Variants in CTSO observed in about 807,000 individuals in gnomAD.
CTSO encodes the protein cathepsin O.
A neutral mutation model predicts 42.4 loss-of-function variants in CTSO; 40 were observed. That is an observed-to-expected ratio of 0.94 (90% confidence interval 0.73 to 1.23). The LOEUF (loss-of-function observed/expected upper bound fraction) is 1.23. Among genes scored for constraint, CTSO ranks in the 50% most tolerant of loss-of-function variants. The probability of loss-of-function intolerance (pLI) is 0.00; values close to 1 mark genes in which losing one functional copy is unlikely to be tolerated. For synonymous variants in CTSO, 156 were observed against 146.2 expected, an observed-to-expected ratio of 1.07 and a Z score of -0.48; for missense variants, 441 against 396.0, an observed-to-expected ratio of 1.11 and a Z score of -0.96.
intron 3 of CTSO, among the ~76,000 whole-genome samples, chr4:155,941,040 G>T (rs762274451): frequency 6.6e-6 from 1 of 152,104 alleles, no homozygotes; most frequent in Non-Finnish European, 1.5e-5. Flanking sequence ...ATGTCTAATT[G>T]ACATGTTATT....
chr4:155,949,427 T>C (rs1017609338), intron 1 of CTSO, among the ~76,000 whole-genome samples: 2 of 152,208 alleles, frequency 1.3e-5, no homozygotes, highest in Non-Finnish European at 2.9e-5. Flanking sequence ...TTTATCAATA[T>C]ACGCAATGAT....
At chr4:155,949,124 T>C (rs1743601915) in intron 1 of CTSO, among the ~76,000 whole-genome samples, 1 of 152,242 alleles carries the variant, frequency 6.6e-6, no homozygotes. Context: ...TGAATGCAAG[T>C]ATTCATTCTA....
chr4:155,946,513 C>T (rs1395431018), intron 1 of CTSO, among the ~76,000 whole-genome samples: 1 of 152,132 alleles, frequency 6.6e-6, no homozygotes, highest in African/African-American at 2.4e-5. Context: ...TTTGTTACCA[C>T]TTGATACACT....
chr4:155,939,479 C>A lies in CTSO; in HGVS notation c.444G>T (p.Lys148Asn). The A allele has an allele frequency of 6.2e-7, 1 of 1,614,168 alleles. No homozygotes were observed. The change falls in exon 4 of 8, where the codon AAG becomes AAT. Residue 148 changes from lysine to asparagine, a missense_variant. Transcript: ENST00000433477. ...CACTTAGGTCTTCCAGGGGCTTCCC[C>A]TTTATTGCATAAGCAGATTCCACTG... is the stretch of plus-strand genomic sequence containing the variant. Reference protein sequence around the residue: ...VGAVESAYAIKGKPLEDLSVQ... With the variant: ...VGAVESAYAINGKPLEDLSVQ...
rs1484017033 is a variant in CTSO at position 155,945,114 on chromosome 4, G to A, written c.136-1850C>T. On this transcript the variant is annotated intron_variant, in intron 1 of 7. Coordinates refer to ENST00000433477, the MANE Select transcript of CTSO (RefSeq NM_001334.3). ...TCTACTAAAAATACAAAAATTAGCCGGGCGTGGTGGTGGGCGCCTATAATC... is the reference window on the plus strand; with the variant it reads ...TCTACTAAAAATACAAAAATTAGCCAGGCGTGGTGGTGGGCGCCTATAATC... Among the ~76,000 whole-genome samples the A allele has an allele frequency of 4.0e-5, 6 of 151,888 alleles. No individual in the cohort carries two copies. The South Asian group carries it at 8.3e-4, about 21-fold the overall frequency.
chr4:155,953,713 C>G lies in CTSO; in HGVS notation c.135G>C (p.Arg45=), dbSNP rs1374218786. ...RSREREAAAF[R]ESLNRHRYLN... is the part of the protein sequence containing the mutation. ...TCCCGGGGAGGCGCGCGCTCGGTACCCGGAAGGCGGCGGCTTCACGCTCGC... is the reference window on the plus strand; with the variant it reads ...TCCCGGGGAGGCGCGCGCTCGGTACGCGGAAGGCGGCGGCTTCACGCTCGC... Residue 45 remains arginine (R), a splice_region_variant and synonymous_variant, in exon 1 of 8, where the codon CGG becomes CGC. Coordinates refer to ENST00000433477, the MANE Select transcript of CTSO (RefSeq NM_001334.3). 3.1e-6 allele frequency: 4 copies of G among 1,271,282 alleles called. No homozygotes were observed. Among genetic ancestry groups the G allele is most frequent in the Non-Finnish European group, 4.0e-6 (4 of 1,009,674 alleles). 78.8% of individuals were successfully genotyped at this position (1,271,282 alleles called of 1,614,324 possible).
chr4:155,931,448 T>C (rs1424003843), intron 5 of CTSO, among the ~76,000 whole-genome samples: 3 of 152,024 alleles, frequency 2.0e-5, no homozygotes, highest in Non-Finnish European at 4.4e-5. Flanking sequence ...TTAGTAATAA[T>C]CCCTGATTTG....
intron 4 of CTSO, among the ~76,000 whole-genome samples, chr4:155,937,873 C>T (rs962013999): frequency 6.6e-6 from 1 of 152,166 alleles, no homozygotes; most frequent in Non-Finnish European, 1.5e-5. Flanking sequence ...GCCTTGGCTT[C>T]CCAAAATACT....
chr4:155,953,528 C>A (rs991527291), intron 1 of CTSO, among the ~76,000 whole-genome samples, 185 bp downstream of exon 1: 2 of 152,156 alleles, frequency 1.3e-5, no homozygotes, highest in Admixed American at 6.5e-5. Context: ...GGAGTGACAC[C>A]ATGGCACAAG....
chr4:155,936,019 G>T (rs1009579846), intron 5 of CTSO, among the ~76,000 whole-genome samples: 64 of 151,348 alleles, frequency 4.2e-4, no homozygotes, highest in Admixed American at 4.2e-3. Flanking sequence ...CCATGATAAG[G>T]GATTCCCTTA....
At position 155,925,920 on chromosome 4, in the gene CTSO, G is replaced by T; in HGVS notation, c.*116C>A. The stretch of plus-strand genomic sequence containing the variant: ...TTAGTTTAAATACTACTAGGCCTTA[G>T]AATCTTTTGTAGGTAGTTGCTGAAA... On this transcript the variant is annotated 3_prime_UTR_variant, in exon 8 of 8. Transcript: ENST00000433477. 1.1e-6 allele frequency: 1 copy of T among 879,196 alleles called. No homozygotes were observed. The highest frequency in any genetic ancestry group is 1.8e-6 in the Non-Finnish European group (1 of 555,096). 54.5% of individuals were successfully genotyped at this position (879,196 alleles called of 1,614,324 possible).
chr4:155,947,580 A>G (rs931847115), intron 1 of CTSO, among the ~76,000 whole-genome samples: 2 of 152,216 alleles, frequency 1.3e-5, no homozygotes, highest in African/African-American at 4.8e-5. Flanking sequence ...CTTGTTTGCT[A>G]TACACTTATC....
chr4:155,937,246 G>A (rs1474608704), intron 5 of CTSO, 116 bp downstream of exon 5: 1 of 661,764 alleles, frequency 1.5e-6, no homozygotes, highest in East Asian at 3.0e-5. Flanking sequence ...CTAGTAAAAA[G>A]TATGTTTTAC....
At chr4:155,950,364 C>T (rs979706944) in intron 1 of CTSO, among the ~76,000 whole-genome samples, 1 of 152,136 alleles carries the variant, frequency 6.6e-6, no homozygotes, top group African/African-American at 2.4e-5. Context: ...CCTCAGAAAA[C>T]CCAGACCAGT....
chr4:155,926,087 G>T lies in CTSO; in HGVS notation c.932-17C>A. The T allele has an allele frequency of 8.6e-7, 1 of 1,162,182 alleles. No homozygotes were observed. Among genetic ancestry groups the T allele is most frequent in the Admixed American group, 3.1e-5 (1 of 32,402 alleles). The allele number at this position is 1,162,182 out of a possible 1,614,324, so 72.0% of individuals were successfully genotyped here. A position where few individuals can be genotyped will look rare whatever the true frequency, so the allele number is the denominator to read the frequency against. On this transcript the variant is annotated splice_polypyrimidine_tract_variant and intron_variant, in intron 7 of 7. Transcript: ENST00000433477. ...CTGCAATACCTAAGGGAAAAAAAAG[G>T]AATTATTAGTCTATTTCCTCTTTAG...
chr4:155,937,677 C>T (rs907854319), intron 4 of CTSO, among the ~76,000 whole-genome samples, 194 bp from the exon 5 acceptor site: 8 of 151,818 alleles, frequency 5.3e-5, no homozygotes, highest in Non-Finnish European at 1.0e-4. Flanking sequence ...TGCAGTGGCT[C>T]GATCTCGTCT....
chr4:155,928,507 G>T, intron 6 of CTSO, 79 bp from the exon 7 acceptor site: 1 of 1,010,750 alleles, frequency 9.9e-7, no homozygotes, highest in Non-Finnish European at 1.5e-6. Flanking sequence ...ATTTTAAGTT[G>T]GATTCTTGCT....
At chr4:155,937,107 A>G (rs1429598819) in intron 5 of CTSO, among the ~76,000 whole-genome samples, 1 of 152,024 alleles carries the variant, frequency 6.6e-6, no homozygotes, top group Admixed American at 6.6e-5. Context: ...TAACAAATAA[A>G]TATACATATA....
intron 1 of CTSO, among the ~76,000 whole-genome samples, chr4:155,943,579 C>T (rs184498894): frequency 6.6e-6 from 1 of 152,148 alleles, no homozygotes. Flanking sequence ...AAGAAATAGA[C>T]TGCAAATAAA....
Sources: allele counts gnomAD v4.1 joint callset (sites outside exome capture counted in the v4.1 genomes callset), GRCh38; gene constraint gnomAD v4.1.1; transcripts MANE v1.5; gene names NCBI Gene and HGNC (gene_info 2026-07-23, HGNC 2026-07-21).